The following SH3RF2 variants were observed in gnomAD, a reference collection of about 807,000 sequenced individuals.
SH3RF2 encodes the protein SH3 domain containing ring finger 2, also known as E3 ubiquitin-protein ligase SH3RF2.
A neutral mutation model predicts 59.0 loss-of-function variants in SH3RF2; 43 were observed. The observed-to-expected ratio is 0.73, with a 90% CI of 0.57 to 0.94. The LOEUF is 0.94. Ranked by LOEUF, SH3RF2 falls within the 40% of genes least tolerant of loss-of-function variation. The pLI is 0.00. For synonymous variants in SH3RF2, 391 were observed against 391.5 expected, an observed-to-expected ratio of 1.00 and a Z score of 0.01; for missense variants, 930 against 940.1, an observed-to-expected ratio of 0.99 and a Z score of 0.14.
intron 2 of SH3RF2, among the ~76,000 whole-genome samples, chr5:145,951,176 C>A (rs561007121): frequency 2.0e-5 from 3 of 152,192 alleles, no homozygotes; most frequent in African/African-American, 7.2e-5. Flanking sequence ...ATCCTTTACC[C>A]GCAAAAGCTT....
intron 2 of SH3RF2, among the ~76,000 whole-genome samples, chr5:145,975,087 A>T (rs1759237443): frequency 6.6e-6 from 1 of 152,184 alleles, no homozygotes; most frequent in Non-Finnish European, 1.5e-5. Context: ...TCATCCAGGC[A>T]GTGCCCTACA....
chr5:146,041,262 C>A (rs1356009100), intron 5 of SH3RF2, among the ~76,000 whole-genome samples: 2 of 152,214 alleles, frequency 1.3e-5, no homozygotes, highest in Admixed American at 1.3e-4. Flanking sequence ...GAGGTCCAGG[C>A]AAGCCTCTTG....
chr5:145,976,937 C>T (rs1759318799), intron 2 of SH3RF2, among the ~76,000 whole-genome samples: 1 of 152,220 alleles, frequency 6.6e-6, no homozygotes, highest in Admixed American at 6.5e-5. Context: ...TCATAAAGTA[C>T]CCCCTTCCCA....
chr5:146,016,164 T>C (rs1482025251), intron 5 of SH3RF2, among the ~76,000 whole-genome samples: 6 of 152,176 alleles, frequency 3.9e-5, no homozygotes, highest in Non-Finnish European at 8.8e-5. Flanking sequence ...GAGAAAGAAT[T>C]AATTTCCTAA....
chr5:146,035,093 G>A (rs1326099117), intron 5 of SH3RF2, among the ~76,000 whole-genome samples: 2 of 143,844 alleles, frequency 1.4e-5, no homozygotes, highest in Admixed American at 1.4e-4. Context: ...GCGATGAAGT[G>A]AGACTCTGTT....
At chr5:146,005,166 T>TAA (rs201859023) in intron 4 of SH3RF2, among the ~76,000 whole-genome samples, 10 of 148,532 alleles carry the variant, frequency 6.7e-5, no homozygotes, top group African/African-American at 2.0e-4. Flanking sequence ...AAATCTTCTT[T>TAA]AAAAAAAAAA....
At chr5:146,049,282 G>C (rs750405363) in intron 7 of SH3RF2, 37 bp downstream of exon 7, 7 of 1,564,348 alleles carry the variant, frequency 4.5e-6, no homozygotes, top group Admixed American at 1.8e-5. Context: ...GGGAGGTTGG[G>C]CCACCCTAGG....
At chr5:145,996,534 T>C (rs1361331085) in intron 2 of SH3RF2, among the ~76,000 whole-genome samples, 6 of 104,352 alleles carry the variant, frequency 5.7e-5, no homozygotes, top group African/African-American at 2.1e-4. Flanking sequence ...TTTAAAAAAC[T>C]GACGATTGAT....
intron 9 of SH3RF2, among the ~76,000 whole-genome samples, chr5:146,074,648 C>T (rs1372494736): frequency 6.6e-6 from 1 of 151,984 alleles, no homozygotes; most frequent in African/African-American, 2.4e-5. Context: ...ATACATGAAA[C>T]ATAAAATATA....
intron 5 of SH3RF2, among the ~76,000 whole-genome samples, chr5:146,026,475 T>C (rs1761534539): frequency 6.6e-6 from 1 of 152,204 alleles, no homozygotes; most frequent in Non-Finnish European, 1.5e-5. Context: ...ATTATGTGCG[T>C]TAATTGGCTA....
chr5:146,000,129 T>G lies in SH3RF2; in HGVS notation c.450T>G (p.Asp150Glu), dbSNP rs1160684531. Residue 150 changes from aspartate (D) to glutamate (E), a missense_variant, in exon 3 of 10, where the codon GAT (aspartate) becomes GAG (glutamate). Coordinates refer to ENST00000359120, the MANE Select transcript of SH3RF2 (RefSeq NM_152550.4). ...GTGACCTAAGGTTTAATAAGGGAGA[T>G]ATCATCCTTCTCCGGAGACAGCTTG... Reference protein sequence around the residue: ...NPGDLRFNKGDIILLRRQLDE... With the variant: ...NPGDLRFNKGEIILLRRQLDE... 1 of 1,613,876 alleles carries G rather than the reference T, an allele frequency of 6.2e-7. No homozygotes were observed.
intron 2 of SH3RF2, among the ~76,000 whole-genome samples, chr5:145,970,611 G>A (rs576164524): frequency 9.2e-4 from 140 of 152,196 alleles, no homozygotes; most frequent in African/African-American, 3.3e-3. Context: ...ATGTTATGAT[G>A]CAACAAAAAG....
intron 7 of SH3RF2, among the ~76,000 whole-genome samples, chr5:146,052,650 T>G (rs1034584953): frequency 6.6e-6 from 1 of 151,858 alleles, no homozygotes; most frequent in Admixed American, 6.6e-5. Flanking sequence ...TCCTTGATGA[T>G]CTCTCTAATG....
chr5:145,974,421 C>T (rs954545250), intron 2 of SH3RF2, among the ~76,000 whole-genome samples: 1 of 151,704 alleles, frequency 6.6e-6, no homozygotes, highest in Non-Finnish European at 1.5e-5. Context: ...ATCATGGGGG[C>T]CACCTTAGAG....
intron 5 of SH3RF2, among the ~76,000 whole-genome samples, chr5:146,046,620 A>C (rs1762313235): frequency 6.6e-6 from 1 of 152,236 alleles, no homozygotes; most frequent in African/African-American, 2.4e-5. Flanking sequence ...CAGAAATACA[A>C]TGATGAACCA....
chr5:145,980,312 G>A (rs1759461086), intron 2 of SH3RF2, among the ~76,000 whole-genome samples: 2 of 152,206 alleles, frequency 1.3e-5, no homozygotes, highest in South Asian at 4.2e-4. Flanking sequence ...TTATCTTTGT[G>A]TACACATACA....
At chr5:146,055,688 T>C (rs1326927914) in intron 7 of SH3RF2, 1 of 414,602 alleles carries the variant, frequency 2.4e-6, no homozygotes, top group Non-Finnish European at 4.3e-6. Context: ...TGAGGAATGA[T>C]CAGAACTGGA....
At chr5:146,035,696 A>G (rs1761913089) in intron 5 of SH3RF2, among the ~76,000 whole-genome samples, 1 of 152,146 alleles carries the variant, frequency 6.6e-6, no homozygotes, top group Non-Finnish European at 1.5e-5. Flanking sequence ...TCCATCACCA[A>G]TATCTCCACC....
intron 6 of SH3RF2, among the ~76,000 whole-genome samples, chr5:146,048,358 T>G (rs1414642065): frequency 6.6e-6 from 1 of 151,832 alleles, no homozygotes; most frequent in Non-Finnish European, 1.5e-5. Flanking sequence ...CACATCACTC[T>G]TAGCTCATTA....
Sources: allele counts gnomAD v4.1 joint callset (sites outside exome capture counted in the v4.1 genomes callset), GRCh38; gene constraint gnomAD v4.1.1; transcripts MANE v1.5; gene names NCBI Gene and HGNC (gene_info 2026-07-23, HGNC 2026-07-21).